RALYL: variants seen among roughly 807,000 people sequenced by gnomAD.
RALYL encodes the protein RALY RNA binding protein like.
RALYL carries 29 observed loss-of-function variants against 35.1 expected under a neutral mutation model. The observed-to-expected ratio is 0.83, with a 90% confidence interval of 0.61 to 1.13. RALYL has a LOEUF of 1.13. RALYL is among the 50% of genes most tolerant of loss of function. The pLI, the probability that RALYL is intolerant of heterozygous loss-of-function variation, is 0.00. For missense variants in RALYL, 359 were observed against 360.4 expected (o/e 1.00, Z 0.03); for synonymous variants, 120 against 127.6 (o/e 0.94, Z 0.40).
chr8:84,765,667 A>G (rs1241973071), intron 2 of RALYL, among the ~76,000 whole-genome samples: 1 of 152,106 alleles, frequency 6.6e-6, no homozygotes. Flanking sequence ...ATGTCCGTTC[A>G]CTTGTCAAAC....
intron 1 of RALYL, among the ~76,000 whole-genome samples, chr8:84,318,202 T>C (rs111608547): frequency 0.047 from 7,192 of 152,222 alleles, 263 homozygotes; most frequent in African/African-American, 0.083. Context: ...AATTCAAGCA[T>C]GGGACCCTGT....
rs1843123601 is a variant in RALYL at position 84,887,627 on chromosome 8, G to C, written c.709G>C (p.Glu237Gln). 1 of 1,609,830 alleles carries C rather than the reference G, an allele frequency of 6.2e-7. No homozygotes were observed. The highest frequency in any genetic ancestry group is 1.3e-5 in the African/African-American group (1 of 74,732). ...AGAAGCTCAGAAGAAGCAATTGGAA[G>C]AGAGTCTAGTGCTGATCCAAGAGGA... ...EAEAQKKQLE[E>Q]SLVLIQEECV... The change falls in exon 8 of 9, where the codon GAG (glutamate) becomes CAG (glutamine). Residue 237 changes from glutamate (E) to glutamine (Q), a missense_variant. By Grantham distance (29) the Glu-to-Gln change is conservative. Transcript: ENST00000521268.
intron 1 of RALYL, among the ~76,000 whole-genome samples, chr8:84,196,815 G>A (rs1815418679): frequency 6.6e-6 from 1 of 152,152 alleles, no homozygotes; most frequent in African/African-American, 2.4e-5. Context: ...ATCCATTGAA[G>A]TTCATATTTG....
At chr8:84,637,266 C>G (rs558037718) in intron 2 of RALYL, among the ~76,000 whole-genome samples, 31 of 151,856 alleles carry the variant, frequency 2.0e-4, no homozygotes, top group Non-Finnish European at 3.5e-4. Flanking sequence ...TTTGCCCTTT[C>G]AAACCTGTGT....
chr8:84,213,584 G>A lies in RALYL; in HGVS notation c.-24+29160G>A, dbSNP rs1357542915. ...AATAGATTAGCTTTTCTTCTCAAAA[G>A]GAAATTGTGTGTGTGTATATATGTG... On this transcript the variant is annotated intron_variant, in intron 1 of 8. Transcript: ENST00000521268. 3.3e-5 allele frequency among the ~76,000 whole-genome samples: 5 copies of A among 152,176 alleles called. No individual in the cohort carries two copies. In the East Asian group the frequency reaches 7.7e-4, roughly 23 times the overall value.
rs1236850535 is a variant in RALYL at position 84,622,538 on chromosome 8, G to A, written c.256+92961G>A. ...AGCAGCAACAAATGTGGGGAAAAGA[G>A]GGATGTCCTCAGGGTTAGTGTGTCC... is the stretch of plus-strand genomic sequence containing the variant. On this transcript the variant is annotated intron_variant, in intron 2 of 8. Transcript: ENST00000521268. 2.0e-5 allele frequency among the ~76,000 whole-genome samples: 3 copies of A among 152,162 alleles called. No homozygotes were observed. In the East Asian group the frequency reaches 5.8e-4, roughly 29 times the overall value.
chr8:84,445,073 G>A (rs890582637), intron 1 of RALYL, among the ~76,000 whole-genome samples: 5 of 151,904 alleles, frequency 3.3e-5, no homozygotes, highest in African/African-American at 1.2e-4. Flanking sequence ...CCATTTTTTA[G>A]CAATGACCAA....
chr8:84,890,136 A>T (rs1233304771), intron 8 of RALYL, among the ~76,000 whole-genome samples: 18 of 152,138 alleles, frequency 1.2e-4, no homozygotes, highest in Non-Finnish European at 1.5e-5. Flanking sequence ...TTAAGTTGTG[A>T]TGAGATTAGG....
At chr8:84,852,742 G>A (rs6473562) in intron 5 of RALYL, among the ~76,000 whole-genome samples, 74,574 of 151,960 alleles carry the variant, frequency 0.49, 19,473 homozygotes, top group African/African-American at 0.66. Context: ...CTTGCAAGAA[G>A]TAAGTCAGGG....
chr8:84,878,548 CA>C (rs112164375), intron 7 of RALYL, among the ~76,000 whole-genome samples: 66 of 122,144 alleles, frequency 5.4e-4, no homozygotes, highest in Non-Finnish European at 5.7e-4. Flanking sequence ...AAGCAAATGC[CA>C]AAAAAAAAAG....
chr8:84,899,774 T>C (rs894139273), intron 8 of RALYL, among the ~76,000 whole-genome samples: 1 of 152,202 alleles, frequency 6.6e-6, no homozygotes, highest in Admixed American at 6.5e-5. Flanking sequence ...AATGCAAATT[T>C]GAAGTAACCT....
intron 8 of RALYL, among the ~76,000 whole-genome samples, chr8:84,908,805 C>T (rs181617249): frequency 2.5e-3 from 378 of 151,884 alleles, no homozygotes; most frequent in Non-Finnish European, 3.4e-3. Flanking sequence ...ATCTGCATTT[C>T]GTGCTTGACA....
intron 2 of RALYL, among the ~76,000 whole-genome samples, chr8:84,728,713 A>AC (rs1283725141): frequency 6.6e-6 from 1 of 152,088 alleles, no homozygotes; most frequent in African/African-American, 2.4e-5. Context: ...TTTTCCCAGC[A>AC]CCATTTATTA....
intron 1 of RALYL, among the ~76,000 whole-genome samples, chr8:84,428,079 C>CTG (rs2132609029): frequency 9.3e-6 from 1 of 107,472 alleles, no homozygotes; most frequent in South Asian, 2.9e-4. Context: ...TGCTCGCTGT[C>CTG]TCTCTCTCTC....
intron 1 of RALYL, among the ~76,000 whole-genome samples, chr8:84,296,623 A>AT (rs397891420): frequency 0.047 from 3,615 of 76,664 alleles, 320 homozygotes; most frequent in Admixed American, 0.063. Context: ...TCTCTCTTGC[A>AT]TTTTTTTTTT....
intron 1 of RALYL, among the ~76,000 whole-genome samples, chr8:84,244,036 A>T (rs1176892071): frequency 6.6e-6 from 1 of 151,784 alleles, no homozygotes; most frequent in Non-Finnish European, 1.5e-5. Context: ...TTAGTAAATT[A>T]TTTTTTTTCT....
intron 4 of RALYL, among the ~76,000 whole-genome samples, chr8:84,839,255 G>A (rs1396123595): frequency 1.3e-5 from 2 of 152,194 alleles, no homozygotes; most frequent in African/African-American, 2.4e-5. Flanking sequence ...CTGGAAAATC[G>A]GGTCACTCCC....
chr8:84,848,324 A>AT (rs1468488304), intron 4 of RALYL, among the ~76,000 whole-genome samples: 3 of 152,006 alleles, frequency 2.0e-5, no homozygotes, highest in Non-Finnish European at 2.9e-5. Flanking sequence ...TAGGGGTGAT[A>AT]TAGATAATAT....
At chr8:84,801,222 C>G (rs1823172822) in intron 3 of RALYL, among the ~76,000 whole-genome samples, 1 of 152,162 alleles carries the variant, frequency 6.6e-6, no homozygotes. Flanking sequence ...ATTTCCTGCC[C>G]TATTATTTCA....
Sources: allele counts gnomAD v4.1 joint callset (sites outside exome capture counted in the v4.1 genomes callset), GRCh38; gene constraint gnomAD v4.1.1; transcripts MANE v1.5; gene names NCBI Gene and HGNC (gene_info 2026-07-23, HGNC 2026-07-21).